The following SRRM3 variants were observed in gnomAD, a reference collection of about 807,000 sequenced individuals.
SRRM3 encodes the protein serine/arginine repetitive matrix 3.
Under a neutral mutation model 66.2 loss-of-function variants are expected in SRRM3, and 27 were observed. That is an observed-to-expected ratio of 0.41 (90% CI 0.30 to 0.56). The LOEUF (loss-of-function observed/expected upper bound fraction) is 0.56. Among genes scored for constraint, SRRM3 ranks in the 20% least tolerant of loss-of-function variants. The pLI, the probability that SRRM3 is intolerant of heterozygous loss-of-function variation, is 0.32. For synonymous variants in SRRM3, 391 were observed against 414.9 expected (o/e 0.94, Z 0.70); for missense variants, 918 against 991.9 (o/e 0.93, Z 1.00).
At chr7:76,227,750 A>G (rs533085852) in intron 1 of SRRM3, among the ~76,000 whole-genome samples, 4 of 152,236 alleles carry the variant, frequency 2.6e-5, no homozygotes, top group Non-Finnish European at 5.9e-5. Flanking sequence ...GGCCAAGAGT[A>G]GATGTTGGGT....
At chr7:76,282,566 G>GCC in intron 12 of SRRM3, 82 bp from the exon 13 acceptor site, 23 of 338,698 alleles carry the variant, frequency 6.8e-5, no homozygotes, top group East Asian at 6.5e-5. Context: ...TCCGCCCTAA[G>GCC]CCCCGCCCCA....
intron 3 of SRRM3, among the ~76,000 whole-genome samples, chr7:76,254,262 A>T (rs1200117806): frequency 6.7e-6 from 1 of 149,970 alleles, no homozygotes; most frequent in African/African-American, 2.5e-5. Flanking sequence ...CTCAAGTGAT[A>T]CTCCCACTTA....
intron 1 of SRRM3, among the ~76,000 whole-genome samples, chr7:76,222,976 T>C (rs1800763799): frequency 6.6e-6 from 1 of 152,068 alleles, no homozygotes; most frequent in African/African-American, 2.4e-5. Flanking sequence ...CCCCACACCC[T>C]GACCAGGACA....
At chr7:76,261,507 C>A in intron 7 of SRRM3, 39 bp from the exon 8 acceptor site, 2 of 1,607,510 alleles carry the variant, frequency 1.2e-6, no homozygotes, top group Non-Finnish European at 1.7e-6. Flanking sequence ...CCTGGGCCAC[C>A]CCAGGCAGGC....
chr7:76,258,030 C>T (rs984871510), intron 3 of SRRM3, among the ~76,000 whole-genome samples: 2 of 152,172 alleles, frequency 1.3e-5, no homozygotes, highest in Admixed American at 1.3e-4. Flanking sequence ...CTGTAGGGAG[C>T]CAACATCTGT....
At chr7:76,268,831 A>C (rs551821319) in intron 11 of SRRM3, 1 of 152,516 alleles carries the variant, frequency 6.6e-6, no homozygotes, top group East Asian at 1.9e-4. Context: ...AGCTGAGGGT[A>C]GCATGGCAGA....
chr7:76,248,098 G>GGA (rs1554606347), intron 2 of SRRM3, 90 bp from the exon 3 acceptor site: 11 of 964,398 alleles, frequency 1.1e-5, no homozygotes, highest in Non-Finnish European at 1.8e-5. Context: ...TTGTGACCCA[G>GGA]GGGTTGGCGG....
chr7:76,249,348 C>T lies in SRRM3; in HGVS notation c.335+1059C>T, dbSNP rs561987696. ...TTGCAGTGAGCCGCGCCACTGCACTCCAGCCTGGGTGACAGAGCGAGACTC... is the reference window on the plus strand; with the variant it reads ...TTGCAGTGAGCCGCGCCACTGCACTTCAGCCTGGGTGACAGAGCGAGACTC... On this transcript the variant is annotated intron_variant, in intron 3 of 14. Transcript: ENST00000611745. Among the ~76,000 whole-genome samples the T allele has an allele frequency of 6.6e-5, 10 of 151,428 alleles. No individual in the cohort carries two copies. The South Asian group carries it at 1.9e-3, about 28-fold the overall frequency.
At chr7:76,263,478 G>T (rs1008948733) in intron 8 of SRRM3, among the ~76,000 whole-genome samples, 2 of 152,298 alleles carry the variant, frequency 1.3e-5, no homozygotes, top group Middle Eastern at 3.4e-3. Flanking sequence ...TGGGGGGCTT[G>T]CCCCAGAGGG....
chr7:76,273,829 C>T (rs1486611205), intron 11 of SRRM3, among the ~76,000 whole-genome samples: 1 of 152,246 alleles, frequency 6.6e-6, no homozygotes, highest in Non-Finnish European at 1.5e-5. Context: ...TGACTTTCCC[C>T]GACCAACTTT....
At chr7:76,205,726 A>G (rs1800285749) in intron 1 of SRRM3, among the ~76,000 whole-genome samples, 1 of 152,112 alleles carries the variant, frequency 6.6e-6, no homozygotes, top group South Asian at 2.1e-4. Flanking sequence ...AAGGACTCTA[A>G]CCTTGGTTCA....
chr7:76,281,511 G>T lies in SRRM3; in HGVS notation c.1079G>T (p.Gly360Val). 8.3e-7 allele frequency: 1 copy of T among 1,210,424 alleles called. No individual in the cohort carries two copies. 75.0% of individuals were successfully genotyped at this position (1,210,424 alleles called of 1,614,324 possible). ...AAAAPTPPAR[G>V]KESPSPRSAP... ...GCCGCACCCACGCCGCCCGCGCGGG[G>T]GAAGGAGAGCCCGAGCCCGCGCTCG... The change falls in exon 12 of 15, where the codon GGG (glycine) becomes GTG (valine). Residue 360 changes from glycine to valine, a missense_variant. By Grantham distance (109) the Gly-to-Val change is moderately radical (BLOSUM62 -3). Transcript: ENST00000611745.
At chr7:76,246,612 T>C (rs1452103886) in intron 2 of SRRM3, among the ~76,000 whole-genome samples, 1 of 152,124 alleles carries the variant, frequency 6.6e-6, no homozygotes, top group African/African-American at 2.4e-5. Flanking sequence ...TGTATAGGTG[T>C]ACACAAGTGT....
rs1554612237 is a variant in SRRM3 at position 76,283,032 on chromosome 7, G to C, written c.1664G>C (p.Arg555Pro). Residue 555 changes from arginine (R) to proline (P), a missense_variant, in exon 14 of 15, where the codon CGC becomes CCC. Arg to Pro is a moderately radical substitution (Grantham distance 103). Transcript: ENST00000611745. ...AEATRARRRS[R>P]SYSPIRKRRR... The stretch of plus-strand genomic sequence containing the variant: ...GCCACCCGCGCCCGGCGCCGCTCCC[G>C]CAGCTACTCGCCCATCCGCAAGCGG... 6 of 1,487,280 alleles carry C rather than the reference G, an allele frequency of 4.0e-6. No homozygotes were observed. In the East Asian group the frequency reaches 1.6e-4, roughly 40 times the overall value. 92.1% of individuals were successfully genotyped at this position (1,487,280 alleles called of 1,614,324 possible).
intron 5 of SRRM3, 83 bp downstream of exon 5, chr7:76,260,280 G>T: frequency 9.1e-7 from 1 of 1,095,114 alleles, no homozygotes. Flanking sequence ...TCACAACCAT[G>T]CAGCATTTGT....
chr7:76,223,278 C>T (rs1467300790), intron 1 of SRRM3, among the ~76,000 whole-genome samples: 1 of 152,140 alleles, frequency 6.6e-6, no homozygotes, highest in Non-Finnish European at 1.5e-5. Context: ...CCCCCCCAGC[C>T]CCACGCTCTT....
intron 2 of SRRM3, among the ~76,000 whole-genome samples, chr7:76,235,857 TTA>T (rs1269967624): frequency 6.6e-6 from 1 of 151,226 alleles, no homozygotes; most frequent in Non-Finnish European, 1.5e-5. Flanking sequence ...AATACAAAAA[TTA>T]GCCAGGCGTG....
intron 1 of SRRM3, among the ~76,000 whole-genome samples, chr7:76,207,806 G>T (rs781899354): frequency 7.2e-5 from 11 of 152,168 alleles, no homozygotes; most frequent in Non-Finnish European, 1.3e-4. Flanking sequence ...GAGCTCAGGA[G>T]TTCAAGGCTG....
chr7:76,248,299 T>C lies in SRRM3; in HGVS notation c.335+10T>C. The stretch of plus-strand genomic sequence containing the variant: ...GGCCTGGGGGCCACATGTGAGTGCT[T>C]ACCTGTGTGGGGATGAGGGAGAGGG... On this transcript the variant is annotated intron_variant, in intron 3 of 14. Transcript: ENST00000611745. The C allele has an allele frequency of 1.2e-6, 2 of 1,602,978 alleles. No individual in the cohort carries two copies. The highest frequency in any genetic ancestry group is 8.5e-7 in the Non-Finnish European group (1 of 1,170,868).
Sources: allele counts gnomAD v4.1 joint callset (sites outside exome capture counted in the v4.1 genomes callset), GRCh38; gene constraint gnomAD v4.1.1; transcripts MANE v1.5; gene names NCBI Gene and HGNC (gene_info 2026-07-23, HGNC 2026-07-21).